The following DDX10 variants were observed in gnomAD, a reference collection of about 807,000 sequenced individuals.
The protein encoded by DDX10 is DEAD-box helicase 10, also known as probable ATP-dependent RNA helicase DDX10.
In DDX10, 74 loss-of-function variants were observed where a neutral mutation model predicts 104.3. The ratio of observed to expected loss-of-function variants is 0.71; its 90% CI spans 0.59 to 0.86. DDX10 has a LOEUF of 0.86. DDX10 is among the 40% of genes least tolerant of loss of function. The probability of loss-of-function intolerance (pLI) is 0.00; values close to 1 mark genes in which losing one functional copy is unlikely to be tolerated. For missense variants in DDX10, 952 were observed against 1,040.0 expected (o/e 0.92, Z 1.16); for synonymous variants, 351 against 353.4 (o/e 0.99, Z 0.08).
At chr11:108,815,656 C>G (rs1862245470) in intron 13 of DDX10, among the ~76,000 whole-genome samples, 1 of 152,084 alleles carries the variant, frequency 6.6e-6, no homozygotes, top group Non-Finnish European at 1.5e-5. Flanking sequence ...TCAGAGAACC[C>G]TTATTAAAAT....
intron 13 of DDX10, among the ~76,000 whole-genome samples, chr11:108,766,831 A>G (rs895758737): frequency 5.3e-5 from 8 of 152,202 alleles, no homozygotes; most frequent in African/African-American, 9.6e-5. Flanking sequence ...ACTGAGTACC[A>G]TTACACATCG....
intron 6 of DDX10, among the ~76,000 whole-genome samples, chr11:108,686,137 G>T: frequency 1.3e-5 from 2 of 152,230 alleles, no homozygotes; most frequent in Admixed American, 1.3e-4. Flanking sequence ...TTGAAAGGAA[G>T]GTACAGAGAT....
At chr11:108,814,766 C>T (rs950172021) in intron 13 of DDX10, among the ~76,000 whole-genome samples, 1 of 152,196 alleles carries the variant, frequency 6.6e-6, no homozygotes, top group East Asian at 1.9e-4. Context: ...TATAATACAT[C>T]AATATATTTG....
chr11:108,674,069 A>G (rs1296497505), intron 2 of DDX10, among the ~76,000 whole-genome samples: 1 of 152,170 alleles, frequency 6.6e-6, no homozygotes, highest in African/African-American at 2.4e-5. Context: ...CATGCCTGTA[A>G]TCCCAGTACT....
At chr11:108,936,247 G>A (rs904083445) in intron 17 of DDX10, among the ~76,000 whole-genome samples, 1 of 152,068 alleles carries the variant, frequency 6.6e-6, no homozygotes, top group African/African-American at 2.4e-5. Context: ...TGTATGATAC[G>A]TCCTTTCAGT....
In DDX10 at chr11:108,728,044, A is replaced by C. The variant is rs376786045; in HGVS notation, c.1965+4582A>C. Among the ~76,000 whole-genome samples the C allele has an allele frequency of 5.9e-5, 9 of 152,070 alleles. No individual in the cohort carries two copies. In the South Asian group the frequency reaches 1.9e-3, roughly 32 times the overall value. The stretch of plus-strand genomic sequence containing the variant: ...GGGGAAAAAAGTCCTAGAAAAATGA[A>C]AAAAGAAAAAAAAAACCCAGAAAGC... On this transcript the variant is annotated intron_variant, in intron 13 of 17. Coordinates refer to ENST00000322536, the MANE Select transcript of DDX10 (RefSeq NM_004398.4).
intron 14 of DDX10, 27 bp downstream of exon 14, chr11:108,838,592 T>G: frequency 1.9e-6 from 3 of 1,593,674 alleles, no homozygotes; most frequent in Non-Finnish European, 2.6e-6. Flanking sequence ...GTTTCATTTC[T>G]GAGGTGCATT....
At chr11:108,719,427 G>C (rs1253980181) in intron 11 of DDX10, among the ~76,000 whole-genome samples, 1 of 152,052 alleles carries the variant, frequency 6.6e-6, no homozygotes, top group Non-Finnish European at 1.5e-5. Context: ...CTGACATGTA[G>C]AGAAACAAGA....
chr11:108,823,364 T>C (rs2134579744), intron 13 of DDX10, among the ~76,000 whole-genome samples: 1 of 152,352 alleles, frequency 6.6e-6, no homozygotes, highest in East Asian at 1.9e-4. Context: ...GTGGTAGTGA[T>C]GCTTGTTTCA....
chr11:108,676,928 G>T (rs2094226132), intron 3 of DDX10, among the ~76,000 whole-genome samples, 157 bp from the exon 4 acceptor site: 1 of 151,882 alleles, frequency 6.6e-6, no homozygotes, highest in Non-Finnish European at 1.5e-5. Context: ...GGTTCTGATG[G>T]AAGATAAACA....
At chr11:108,780,107 T>C (rs1418001859) in intron 13 of DDX10, among the ~76,000 whole-genome samples, 1 of 152,184 alleles carries the variant, frequency 6.6e-6, no homozygotes, top group Non-Finnish European at 1.5e-5. Flanking sequence ...GGACATTTAA[T>C]GGTAGATGAG....
chr11:108,790,808 C>T (rs1861860422), intron 13 of DDX10, among the ~76,000 whole-genome samples: 2 of 151,962 alleles, frequency 1.3e-5, no homozygotes, highest in South Asian at 2.1e-4. Context: ...TACCTCCCAC[C>T]CACACACACT....
At chr11:108,873,234 G>T (rs1458314187) in intron 16 of DDX10, among the ~76,000 whole-genome samples, 1 of 152,094 alleles carries the variant, frequency 6.6e-6, no homozygotes, top group African/African-American at 2.4e-5. Flanking sequence ...TTCCAGGTGG[G>T]TAGACAAGGA....
rs143944327 is a variant in DDX10, at chr11:108,690,568, C to T, written c.976-1308C>T. 8.3e-4 allele frequency: 130 copies of T among 155,746 alleles called. No individual in the cohort carries two copies. In the East Asian group the frequency reaches 0.024, roughly 29 times the overall value. The allele number at this position is 155,746 out of a possible 1,614,324, so 9.6% of individuals were successfully genotyped here. On this transcript the variant is annotated intron_variant, in intron 7 of 17. Coordinates refer to ENST00000322536, the MANE Select transcript of DDX10 (RefSeq NM_004398.4). ...GCCAGGATAATGGCTCCTCAAATGG[C>T]AGTGGCTACCTCCTTGGAGCACCTG... is the stretch of plus-strand genomic sequence containing the variant.
At chr11:108,749,412 A>G (rs1285574968) in intron 13 of DDX10, among the ~76,000 whole-genome samples, 1 of 152,196 alleles carries the variant, frequency 6.6e-6, no homozygotes, top group Non-Finnish European at 1.5e-5. Flanking sequence ...TTATTAGCTT[A>G]CTGACAAGAT....
intron 13 of DDX10, among the ~76,000 whole-genome samples, chr11:108,760,394 C>G (rs2094349335): frequency 6.6e-6 from 1 of 151,994 alleles, no homozygotes; most frequent in Non-Finnish European, 1.5e-5. Context: ...AAATTCTTTT[C>G]CACTTTCTGT....
intron 1 of DDX10, among the ~76,000 whole-genome samples, chr11:108,671,713 G>T (rs908140885): frequency 1.3e-5 from 2 of 152,278 alleles, no homozygotes; most frequent in East Asian, 3.9e-4. Context: ...GATTTGGCCC[G>T]TAGGCTGTAG....
Position 108,723,197 on chromosome 11 carries a change from A to G in DDX10, c.1700A>G (p.Glu567Gly). ...CTTCAAAAAGGTGGAAAAAGACTCGAAGGGACAGAGCACAGACAGGATAAT... is the reference window on the plus strand; with the variant it reads ...CTTCAAAAAGGTGGAAAAAGACTCGGAGGGACAGAGCACAGACAGGATAAT... Reference protein sequence around the residue: ...SILQKGGKRLEGTEHRQDNDT... With the variant: ...SILQKGGKRLGGTEHRQDNDT... Residue 567 changes from glutamate to glycine, a missense_variant, in exon 13 of 18, where the codon GAA becomes GGA. Glu to Gly is a moderately conservative substitution (Grantham distance 98). Transcript: ENST00000322536. 2 of 1,613,852 alleles carry G rather than the reference A, an allele frequency of 1.2e-6. No individual in the cohort carries two copies. Among genetic ancestry groups the G allele is most frequent in the Non-Finnish European group, 1.7e-6 (2 of 1,179,900 alleles).
intron 13 of DDX10, among the ~76,000 whole-genome samples, chr11:108,753,614 C>T (rs2094341109): frequency 6.6e-6 from 1 of 151,860 alleles, no homozygotes; most frequent in South Asian, 2.1e-4. Flanking sequence ...TGGTTCAGAA[C>T]AAAATAGGAA....
Sources: allele counts gnomAD v4.1 joint callset (sites outside exome capture counted in the v4.1 genomes callset), GRCh38; gene constraint gnomAD v4.1.1; transcripts MANE v1.5; gene names NCBI Gene and HGNC (gene_info 2026-07-23, HGNC 2026-07-21).